Variants in PCDHGA3 observed in about 807,000 individuals in gnomAD.
PCDHGA3 encodes protocadherin gamma-A3.
PCDHGA3 carries 40 observed loss-of-function variants against 58.5 expected under a neutral mutation model. The observed-to-expected ratio is 0.68, with a 90% CI of 0.53 to 0.89. The LOEUF (loss-of-function observed/expected upper bound fraction) is 0.89, where lower values mean the gene tolerates loss of function less well. PCDHGA3 is among the 40% of genes least tolerant of loss of function. The pLI is 0.00. For synonymous variants in PCDHGA3, 530 were observed against 525.7 expected (o/e 1.01, Z -0.11); for missense variants, 1,223 against 1,195.9 (o/e 1.02, Z -0.33).
rs946434728 is a variant in PCDHGA3, at chr5:141,428,357, C to A, written c.2425-66450C>A. On this transcript the variant is annotated intron_variant, in intron 1 of 3. Coordinates refer to ENST00000253812, the MANE Select transcript of PCDHGA3 (RefSeq NM_018916.4). ...CTCTTCTTCCTCGCAGTGATTTTGG[C>A]GGTCGCCTTGCACCTGCGATGCTCT... is the stretch of plus-strand genomic sequence containing the variant. The A allele has an allele frequency of 1.2e-5, 7 of 565,506 alleles. No individual in the cohort carries two copies. The East Asian group carries it at 2.0e-4, about 16-fold the overall frequency. The allele number at this position is 565,506 out of a possible 1,614,324, so 35.0% of individuals were successfully genotyped here.
rs1423837519 is a variant in PCDHGA3 at position 141,346,410 on chromosome 5, A to G, written c.2377A>G (p.Ile793Val). The change falls in exon 1 of 4, where the codon ATA becomes GTA. Residue 793 changes from isoleucine (I) to valine (V), a missense_variant. Ile to Val is a conservative substitution (Grantham distance 29). Transcript: ENST00000253812. Reference sequence around the variant, plus strand: ...CTGTGAGAAAAGCGAGCCTCTTCTGATAACTCAGGATTTACTTGAAATGAA... The same window carrying G: ...CTGTGAGAAAAGCGAGCCTCTTCTGGTAACTCAGGATTTACTTGAAATGAA... ...ESCEKSEPLL[I>V]TQDLLEMKGD... 1.9e-6 allele frequency: 3 copies of G among 1,614,250 alleles called. No individual in the cohort carries two copies. The highest frequency in any genetic ancestry group is 1.1e-5 in the South Asian group (1 of 91,086).
intron 1 of PCDHGA3, chr5:141,385,164 T>A (rs758100484): frequency 9.3e-6 from 15 of 1,614,168 alleles, no homozygotes; most frequent in Non-Finnish European, 1.3e-5. Flanking sequence ...CCTATTCCCA[T>A]GAGGTCTCCC....
chr5:141,384,356 A>G, intron 1 of PCDHGA3: 3 of 1,613,862 alleles, frequency 1.9e-6, no homozygotes, highest in Non-Finnish European at 1.7e-6. Flanking sequence ...GATAATGCCC[A>G]GATCACTTAT....
chr5:141,466,206 T>C (rs2099118813), intron 1 of PCDHGA3, among the ~76,000 whole-genome samples: 1 of 152,126 alleles, frequency 6.6e-6, no homozygotes, highest in Admixed American at 6.5e-5. Flanking sequence ...AGCCTTGCTC[T>C]GTTACCCAGG....
rs781651287 is a variant in PCDHGA3, at chr5:141,505,380, A to G, written c.2484-13A>G. ...CCTGGGAGTCTGTGCTCACCATCCT[A>G]CTCTCTCCCCAGCTCCCAAAATGGC... On this transcript the variant is annotated splice_polypyrimidine_tract_variant and intron_variant, in intron 2 of 3. Transcript: ENST00000253812. The G allele has an allele frequency of 4.3e-6, 7 of 1,613,362 alleles. No homozygotes were observed. The African/African-American group carries it at 5.4e-5, about 12-fold the overall frequency.
At chr5:141,381,830 T>C (rs796824162) in intron 1 of PCDHGA3, among the ~76,000 whole-genome samples, 3 of 133,454 alleles carry the variant, frequency 2.2e-5, no homozygotes, top group African/African-American at 9.3e-5. Flanking sequence ...CTTCTTCTTT[T>C]TTTTTTTTTT....
intron 1 of PCDHGA3, chr5:141,362,674 A>G (rs774822554): frequency 5.1e-5 from 63 of 1,246,738 alleles, no homozygotes; most frequent in Non-Finnish European, 5.8e-5. Context: ...TTGTGCCTTA[A>G]TTGTCTTAAT....
chr5:141,360,576 G>A lies in PCDHGA3; in HGVS notation c.2424+14119G>A, dbSNP rs776110254. 1.9e-6 allele frequency: 3 copies of A among 1,613,810 alleles called. No homozygotes were observed. In the East Asian group the frequency reaches 6.7e-5, roughly 36 times the overall value. On this transcript the variant is annotated intron_variant, in intron 1 of 3. Coordinates refer to ENST00000253812, the MANE Select transcript of PCDHGA3 (RefSeq NM_018916.4). ...ATTTAAAAATTGGCGAATCCACTAA[G>A]CCAGGTACAACATTTCCACTTGACC...
chr5:141,413,298 G>A (rs1672233901), intron 1 of PCDHGA3: 3 of 1,613,950 alleles, frequency 1.9e-6, no homozygotes, highest in Non-Finnish European at 2.5e-6. Context: ...CAATTCCTGA[G>A]GAATTAGAGA....
In PCDHGA3 at chr5:141,476,853, A is replaced by G; in HGVS notation, c.2425-17954A>G. ...AATGACAATGCGCCTGTCTTCAACCAGTCCTTGTACCGGGCGCGCGTCCTG... is the reference window on the plus strand; with the variant it reads ...AATGACAATGCGCCTGTCTTCAACCGGTCCTTGTACCGGGCGCGCGTCCTG... On this transcript the variant is annotated intron_variant, in intron 1 of 3. Coordinates refer to ENST00000253812, the MANE Select transcript of PCDHGA3 (RefSeq NM_018916.4). This position sits in a 1 kb window ranked among gnomAD's most constrained non-coding sequence, Gnocchi z 7.6. The G allele has an allele frequency of 6.2e-7, 1 of 1,613,870 alleles. No individual in the cohort carries two copies. Among genetic ancestry groups the G allele is most frequent in the Non-Finnish European group, 8.5e-7 (1 of 1,180,042 alleles).
At chr5:141,347,137 C>T (rs56115657) in intron 1 of PCDHGA3, among the ~76,000 whole-genome samples, 55 of 113,724 alleles carry the variant, frequency 4.8e-4, no homozygotes, top group South Asian at 1.6e-3. Context: ...CTCTGTTTCT[C>T]TCTTTCTTTC....
Position 141,350,156 on chromosome 5 carries a change from C to G in PCDHGA3, c.2424+3699C>G. 3.0e-6 allele frequency: 3 copies of G among 1,006,090 alleles called. No individual in the cohort carries two copies. In the East Asian group the frequency reaches 8.4e-5, roughly 28 times the overall value. 62.3% of individuals were successfully genotyped at this position (1,006,090 alleles called of 1,614,324 possible). ...GACGCTGCTCCTGTTCACCCTCGAG[C>G]GCCTAACTAATAAGTCCTAAGCTCA... On this transcript the variant is annotated intron_variant, in intron 1 of 3. Coordinates refer to ENST00000253812, the MANE Select transcript of PCDHGA3 (RefSeq NM_018916.4).
intron 1 of PCDHGA3, chr5:141,407,957 G>A: frequency 1.5e-6 from 1 of 660,494 alleles, no homozygotes; most frequent in Non-Finnish European, 2.4e-6. Flanking sequence ...GGCCAGTGCA[G>A]AGCAAGCGCT....
chr5:141,400,062 T>A (rs2093953641), intron 1 of PCDHGA3: 2 of 1,613,652 alleles, frequency 1.2e-6, no homozygotes, highest in Middle Eastern at 1.7e-4. Flanking sequence ...TGCGTGATGG[T>A]GGACAGCCGC....
intron 1 of PCDHGA3, among the ~76,000 whole-genome samples, chr5:141,473,380 G>A (rs1363453338): frequency 6.6e-6 from 1 of 152,204 alleles, no homozygotes; most frequent in African/African-American, 2.4e-5. Context: ...CATGGTCCCT[G>A]CCCTCCTGGA....
Position 141,432,061 on chromosome 5 carries a change from G to A in PCDHGA3, c.2425-62746G>A. 1 of 1,614,130 alleles carries A rather than the reference G, an allele frequency of 6.2e-7. No homozygotes were observed. The highest frequency in any genetic ancestry group is 8.5e-7 in the Non-Finnish European group (1 of 1,180,034). ...ACCGGGGAACCCCGCCCCTATCCAC[G>A]GAAACTCATATCTCGCTGAACGTGG... On this transcript the variant is annotated intron_variant, in intron 1 of 3. Coordinates refer to ENST00000253812, the MANE Select transcript of PCDHGA3 (RefSeq NM_018916.4). The surrounding 1 kb of genome is among the most constrained non-coding windows in gnomAD (Gnocchi z 6.0).
intron 1 of PCDHGA3, among the ~76,000 whole-genome samples, chr5:141,453,993 A>T (rs2098779172): frequency 6.6e-6 from 1 of 152,234 alleles, no homozygotes; most frequent in African/African-American, 2.4e-5. Flanking sequence ...CCAGTGATAA[A>T]CCCACATAAC....
At chr5:141,371,540 C>T (rs773129811) in intron 1 of PCDHGA3, 1 of 1,613,730 alleles carries the variant, frequency 6.2e-7, no homozygotes, top group East Asian at 2.2e-5. Flanking sequence ...ATGGAGAAAT[C>T]CTATGCCAAC....
intron 1 of PCDHGA3, among the ~76,000 whole-genome samples, chr5:141,494,498 C>G (rs2099754760): frequency 6.6e-6 from 1 of 152,138 alleles, no homozygotes; most frequent in African/African-American, 2.4e-5. Flanking sequence ...GCCTTCAGTC[C>G]TTGAATTTTG....
Sources: gnomAD v4.1 joint callset for allele counts (sites outside exome capture counted in the v4.1 genomes callset) on GRCh38, gnomAD v4.1.1 for gene constraint, Gnocchi (gnomAD v3.1) non-coding constraint, MANE v1.5 for transcripts, NCBI Gene and HGNC (gene_info 2026-07-23, HGNC 2026-07-21) for gene names.